Variants in SORCS1 observed in about 807,000 individuals in gnomAD.
SORCS1 encodes the protein VPS10 domain-containing receptor SorCS1.
In SORCS1, 60 loss-of-function variants were observed where a neutral mutation model predicts 146.1. The observed-to-expected ratio is 0.41, with a 90% CI of 0.33 to 0.51. The LOEUF is 0.51. SORCS1 is among the 20% of genes least tolerant of loss of function. SORCS1 has a pLI of 0.21. For synonymous variants in SORCS1, 637 were observed against 584.0 expected, an observed-to-expected ratio of 1.09 and a Z score of -1.31; for missense variants, 1,352 against 1,487.6, an observed-to-expected ratio of 0.91 and a Z score of 1.50.
intron 4 of SORCS1, among the ~76,000 whole-genome samples, chr10:106,772,642 A>G (rs566961075): frequency 4.7e-4 from 72 of 152,162 alleles, no homozygotes; most frequent in Non-Finnish European, 8.4e-4. Flanking sequence ...AATTCTGAGG[A>G]CATTTGGCCA....
Position 106,652,427 on chromosome 10 carries a change from T to C in SORCS1, c.2430A>G (p.Thr810=). ...GAGTGACGTTGTGTCCTTGTTCCGC[T>C]GTCAGCTTTCCATCAGCCGTGACTA... ...LRIVTADGKL[T]AEQGHNVTLM... is the part of the protein sequence containing the mutation. Residue 810 remains threonine, a synonymous_variant, in exon 18 of 26, where the codon ACA becomes ACG. Transcript: ENST00000263054. 1 of 1,614,140 alleles carries C rather than the reference T, an allele frequency of 6.2e-7. No homozygotes were observed. Among genetic ancestry groups the C allele is most frequent in the South Asian group, 1.1e-5 (1 of 91,088 alleles).
chr10:106,794,092 C>G (rs778734302), intron 3 of SORCS1, among the ~76,000 whole-genome samples: 2 of 152,154 alleles, frequency 1.3e-5, no homozygotes, highest in Non-Finnish European at 2.9e-5. Context: ...CTGACTCTGA[C>G]CAGCACCCGA....
chr10:106,864,618 T>A (rs1950157793), intron 2 of SORCS1, among the ~76,000 whole-genome samples: 1 of 152,118 alleles, frequency 6.6e-6, no homozygotes, highest in African/African-American at 2.4e-5. Context: ...ATGAGTAGCA[T>A]TCATCTTCAG....
intron 5 of SORCS1, among the ~76,000 whole-genome samples, chr10:106,756,259 T>C (rs917152759): frequency 6.6e-6 from 1 of 152,090 alleles, no homozygotes; most frequent in Non-Finnish European, 1.5e-5. Context: ...GAAATAGATA[T>C]GAATAATATT....
intron 14 of SORCS1, 50 bp from the exon 15 acceptor site, chr10:106,673,035 A>T (rs1177993385): frequency 2.1e-6 from 3 of 1,451,734 alleles, no homozygotes; most frequent in South Asian, 2.4e-5. Context: ...CAATGTAATG[A>T]GTAATAACAA....
chr10:107,087,877 G>A (rs1749517936), intron 1 of SORCS1, among the ~76,000 whole-genome samples: 1 of 152,302 alleles, frequency 6.6e-6, no homozygotes. Context: ...CCCAATTGCT[G>A]TGGGTTGGGT....
intron 1 of SORCS1, among the ~76,000 whole-genome samples, chr10:107,155,587 A>G (rs1969212640): frequency 6.6e-6 from 1 of 152,192 alleles, no homozygotes; most frequent in Admixed American, 6.5e-5. Flanking sequence ...GAATGTGCCC[A>G]AAATAGCCTT....
chr10:106,996,958 A>T (rs994967469), intron 1 of SORCS1, among the ~76,000 whole-genome samples: 3 of 151,736 alleles, frequency 2.0e-5, no homozygotes, highest in African/African-American at 7.3e-5. Flanking sequence ...TTCCATTGCT[A>T]TTTTTTTCTT....
upstream of SORCS1, among the ~76,000 whole-genome samples, chr10:107,164,926 C>T (rs1262445466): frequency 6.0e-5 from 9 of 149,126 alleles, no homozygotes; most frequent in South Asian, 4.1e-4. This position sits in a 1 kb window ranked among gnomAD's most constrained non-coding sequence, Gnocchi z 6.8. Context: ...CTCGCAGGCG[C>T]TGCCGCCGCC....
At chr10:106,593,997 T>C (rs961907317) in intron 24 of SORCS1, among the ~76,000 whole-genome samples, 8 of 152,232 alleles carry the variant, frequency 5.3e-5, no homozygotes, top group Admixed American at 3.3e-4. Flanking sequence ...CTTTGCATTA[T>C]TTTTTGTCAT....
chr10:107,149,701 C>T (rs1169744022), intron 1 of SORCS1, among the ~76,000 whole-genome samples: 1 of 152,158 alleles, frequency 6.6e-6, no homozygotes, highest in Non-Finnish European at 1.5e-5. Flanking sequence ...ATTCCTTTGT[C>T]CAGTTTGAGG....
chr10:107,015,109 G>A (rs935128378), intron 1 of SORCS1, among the ~76,000 whole-genome samples: 16 of 152,222 alleles, frequency 1.1e-4, no homozygotes, highest in Middle Eastern at 3.4e-3. Flanking sequence ...CTAAATCACC[G>A]GTAGAAACAG....
rs115760394 is a variant in SORCS1 at position 107,020,795 on chromosome 10, T to C, written c.559-64215A>G. Among the ~76,000 whole-genome samples the C allele has an allele frequency of 5.1e-3, 770 of 152,318 alleles. 3 individuals are homozygous for C. Among genetic ancestry groups the C allele is most frequent in the African/African-American group, 0.016 (674 of 41,562 alleles). On this transcript the variant is annotated intron_variant, in intron 1 of 25. Transcript: ENST00000263054. ...TCAGAGGATGTTATTTTAAGGAATT[T>C]TGGACAACACAGAGCAGCAATCCCT...
At chr10:106,990,496 C>T (rs1369517993) in intron 1 of SORCS1, among the ~76,000 whole-genome samples, 3 of 152,062 alleles carry the variant, frequency 2.0e-5, no homozygotes, top group African/African-American at 7.2e-5. Context: ...TCTCGAACTC[C>T]TGACCTCAAG....
chr10:107,153,492 TA>T (rs1248741046), intron 1 of SORCS1, among the ~76,000 whole-genome samples: 2 of 152,202 alleles, frequency 1.3e-5, no homozygotes, highest in Non-Finnish European at 2.9e-5. Flanking sequence ...CTGGGATATA[TA>T]GTCAGGTTGG....
At chr10:106,666,333 C>T (rs1851139313) in intron 17 of SORCS1, among the ~76,000 whole-genome samples, 1 of 152,190 alleles carries the variant, frequency 6.6e-6, no homozygotes, top group Non-Finnish European at 1.5e-5. Context: ...CTTTTCCTGC[C>T]TTCGGTCTTG....
intron 2 of SORCS1, among the ~76,000 whole-genome samples, chr10:106,854,827 G>A (rs1949722733): frequency 6.6e-6 from 1 of 152,090 alleles, no homozygotes; most frequent in African/African-American, 2.4e-5. Flanking sequence ...GTGTGTATGT[G>A]TGTGTGTATA....
chr10:106,859,976 C>T (rs1949949415), intron 2 of SORCS1, among the ~76,000 whole-genome samples: 1 of 152,198 alleles, frequency 6.6e-6, no homozygotes, highest in Non-Finnish European at 1.5e-5. Flanking sequence ...CTGTAAAGTT[C>T]TCCTTTATCA....
intron 2 of SORCS1, among the ~76,000 whole-genome samples, chr10:106,845,931 CATTGATCT>C (rs1949300357): frequency 8.1e-6 from 1 of 124,000 alleles, no homozygotes; most frequent in African/African-American, 2.6e-5. Context: ...TGTTCTGTTC[CATTGATCT>C]ATATCTCTGT....
Sources: allele counts gnomAD v4.1 joint callset (sites outside exome capture counted in the v4.1 genomes callset), GRCh38; gene constraint gnomAD v4.1.1; non-coding constraint Gnocchi (gnomAD v3.1); transcripts MANE v1.5; gene names NCBI Gene and HGNC (gene_info 2026-07-23, HGNC 2026-07-21).